SEMA6D: variants seen among roughly 807,000 people sequenced by gnomAD.
SEMA6D encodes the protein semaphorin 6D, also known as semaphorin-6D.
Under a neutral mutation model 106.6 loss-of-function variants are expected in SEMA6D, and 35 were observed. The observed-to-expected ratio is 0.33, with a 90% CI of 0.25 to 0.44. The LOEUF (loss-of-function observed/expected upper bound fraction) is 0.44. Among genes scored for constraint, SEMA6D ranks in the 20% least tolerant of loss-of-function variants. The pLI, the probability that SEMA6D is intolerant of heterozygous loss-of-function variation, is 1.00. For synonymous variants in SEMA6D, 499 were observed against 487.7 expected, an observed-to-expected ratio of 1.02 and a Z score of -0.31; for missense variants, 1,185 against 1,345.9, an observed-to-expected ratio of 0.88 and a Z score of 1.87.
At chr15:47,706,455 T>C (rs912685599) in intron 4 of SEMA6D, among the ~76,000 whole-genome samples, 29 of 152,228 alleles carry the variant, frequency 1.9e-4, no homozygotes, top group Admixed American at 1.7e-3. Context: ...TATGACATTC[T>C]ATGTAAGTTG....
chr15:47,356,960 G>A (rs2038597996), intron 1 of SEMA6D, among the ~76,000 whole-genome samples: 1 of 152,164 alleles, frequency 6.6e-6, no homozygotes. Context: ...GGGGAATAGA[G>A]ATATTGACTA....
chr15:47,309,514 A>C (rs1368159993), intron 1 of SEMA6D, among the ~76,000 whole-genome samples: 1 of 152,184 alleles, frequency 6.6e-6, no homozygotes, highest in Admixed American at 6.5e-5. Context: ...TGCCGAAGAG[A>C]AGCCATAAAG....
intron 3 of SEMA6D, among the ~76,000 whole-genome samples, chr15:47,561,571 A>T (rs964927719): frequency 1.3e-5 from 2 of 151,630 alleles, no homozygotes; most frequent in African/African-American, 4.8e-5. Context: ...TATTTTAAAT[A>T]TAGGTAAATA....
At chr15:47,565,683 T>A (rs2046210476) in intron 3 of SEMA6D, among the ~76,000 whole-genome samples, 1 of 152,182 alleles carries the variant, frequency 6.6e-6, no homozygotes, top group Non-Finnish European at 1.5e-5. Flanking sequence ...TGGGGAGGAA[T>A]TAAATGAGAT....
chr15:47,424,235 A>C (rs1398640350), intron 2 of SEMA6D, among the ~76,000 whole-genome samples: 1 of 152,124 alleles, frequency 6.6e-6, no homozygotes, highest in Non-Finnish European at 1.5e-5. Context: ...CTATTTGCCA[A>C]TACCTCTAAT....
chr15:47,466,077 G>A (rs1012278998), intron 2 of SEMA6D, among the ~76,000 whole-genome samples: 1 of 152,082 alleles, frequency 6.6e-6, no homozygotes, highest in African/African-American at 2.4e-5. Flanking sequence ...AAAATGATTT[G>A]ATGTACATAT....
intron 1 of SEMA6D, among the ~76,000 whole-genome samples, chr15:47,403,639 A>C (rs1030895675): frequency 2.6e-5 from 4 of 152,164 alleles, no homozygotes; most frequent in Non-Finnish European, 4.4e-5. Context: ...AGTTAACTGC[A>C]CTCGAGTTTG....
intron 8 of SEMA6D, 133 bp from the exon 9 acceptor site, chr15:47,762,883 G>A (rs1313485688): frequency 1.5e-6 from 1 of 649,282 alleles, no homozygotes; most frequent in East Asian, 2.9e-5. Context: ...ACTCCTCAAA[G>A]TCATTGGCAG....
chr15:47,293,433 T>C (rs188725815), intron 1 of SEMA6D, among the ~76,000 whole-genome samples: 10 of 152,294 alleles, frequency 6.6e-5, no homozygotes, highest in Admixed American at 1.3e-4. Context: ...TAGCCTAAAT[T>C]CACCACTCTT....
intron 3 of SEMA6D, chr15:47,581,267 T>G: frequency 2.3e-6 from 1 of 431,780 alleles, no homozygotes; most frequent in Non-Finnish European, 4.6e-6. Flanking sequence ...CCCTATTTTC[T>G]CCATAAGTCC....
chr15:47,679,937 T>A (rs1178111284), intron 4 of SEMA6D, among the ~76,000 whole-genome samples: 1 of 152,148 alleles, frequency 6.6e-6, no homozygotes, highest in African/African-American at 2.4e-5. Flanking sequence ...ATGACAAAAG[T>A]GGGCCTCAAA....
At chr15:47,686,360 T>C (rs1482450240) in intron 4 of SEMA6D, among the ~76,000 whole-genome samples, 4 of 152,250 alleles carry the variant, frequency 2.6e-5, no homozygotes, top group Non-Finnish European at 4.4e-5. Flanking sequence ...GTTTCAGTCC[T>C]ACACGTGAAG....
At chr15:47,386,513 G>T (rs981542867) in intron 1 of SEMA6D, among the ~76,000 whole-genome samples, 2 of 152,208 alleles carry the variant, frequency 1.3e-5, no homozygotes, top group African/African-American at 4.8e-5. Flanking sequence ...CAGGGAAGGA[G>T]AGGGGAAAAG....
intron 1 of SEMA6D, among the ~76,000 whole-genome samples, chr15:47,275,721 C>G (rs1486091262): frequency 6.6e-6 from 1 of 151,940 alleles, no homozygotes. Flanking sequence ...GAATTTAGGC[C>G]AATTAGTAAC....
intron 1 of SEMA6D, among the ~76,000 whole-genome samples, chr15:47,254,802 G>A (rs182286090): frequency 0.012 from 1,774 of 151,326 alleles, 34 homozygotes; most frequent in Admixed American, 0.012. Context: ...TTAATGTGCT[G>A]TTGGATTTGA....
At chr15:47,356,283 C>T (rs569514021) in intron 1 of SEMA6D, among the ~76,000 whole-genome samples, 42 of 152,092 alleles carry the variant, frequency 2.8e-4, no homozygotes, top group Non-Finnish European at 5.0e-4. Context: ...GGTTTCTACC[C>T]CAGTTCTGAA....
chr15:47,684,040 A>G (rs538638655), intron 4 of SEMA6D, among the ~76,000 whole-genome samples: 8 of 152,340 alleles, frequency 5.3e-5, no homozygotes, highest in African/African-American at 1.9e-4. Context: ...TCAAGATGGC[A>G]GACTCAAAGG....
At chr15:47,429,688 GGCCACT>G (rs1281459237) in intron 2 of SEMA6D, among the ~76,000 whole-genome samples, 2 of 152,112 alleles carry the variant, frequency 1.3e-5, no homozygotes, top group Non-Finnish European at 2.9e-5. Flanking sequence ...GTGTGGTTAA[GGCCACT>G]GTGCTCTGTC....
chr15:47,289,000 G>C (rs999308935), intron 1 of SEMA6D, among the ~76,000 whole-genome samples: 1 of 152,176 alleles, frequency 6.6e-6, no homozygotes, highest in Non-Finnish European at 1.5e-5. Context: ...TGAAGGGCGG[G>C]AGGGTGGAGA....
Sources: gnomAD v4.1 joint callset for allele counts (sites outside exome capture counted in the v4.1 genomes callset) on GRCh38, gnomAD v4.1.1 for gene constraint, MANE v1.5 for transcripts, NCBI Gene and HGNC (gene_info 2026-07-23, HGNC 2026-07-21) for gene names.